The following NCF2 variants were observed in gnomAD, a reference collection of about 807,000 sequenced individuals.
NCF2 encodes neutrophil cytosolic factor 2, also known as neutrophil cytosol factor 2.
Under a neutral mutation model 70.9 loss-of-function variants are expected in NCF2, and 45 were observed. The observed-to-expected ratio is 0.63, with a 90% CI of 0.50 to 0.81. The LOEUF is 0.81. Ranked by LOEUF, NCF2 falls within the 40% of genes least tolerant of loss-of-function variation. NCF2 has a pLI of 0.00. For missense variants in NCF2, 522 were observed against 631.6 expected, an observed-to-expected ratio of 0.83 and a Z score of 1.86; for synonymous variants, 203 against 233.6, an observed-to-expected ratio of 0.87 and a Z score of 1.19.
chr1:183,570,804 A>G lies in NCF2; in HGVS notation c.645T>C (p.Ser215=), dbSNP rs745372047. ...CCTGTGGTTGCAGAGGGGCAAACCC[A>G]GAGAAACTGTCTTGATCCACCACAG... ...VASVVDQDSF[S]GFAPLQPQAA... Residue 215 remains serine (S), a synonymous_variant, in exon 6 of 15, where the codon TCT becomes TCC. Transcript: ENST00000367535. 241 of 1,614,226 alleles carry G rather than the reference A, an allele frequency of 1.5e-4. 4 individuals carry two copies. The South Asian group carries it at 2.6e-3, about 18-fold the overall frequency.
the NCF2 span, among the ~76,000 whole-genome samples, chr1:183,596,599 C>A: frequency 6.6e-6 from 1 of 152,024 alleles, no homozygotes; most frequent in Non-Finnish European, 1.5e-5. Context: ...TGGTGAAACC[C>A]TGTCTCTACT....
At position 183,560,090 on chromosome 1, in the gene NCF2, A is replaced by G. The variant is rs777093765; in HGVS notation, c.1468+6T>C. On this transcript the variant is annotated splice_donor_region_variant and intron_variant, in intron 14 of 14. Transcript: ENST00000367535. Reference sequence around the variant, plus strand: ...TTTGTTTCTATAGTCTTGGAGTAGCACTTACCCTTTGATAACACCAGGATT... The same window carrying G: ...TTTGTTTCTATAGTCTTGGAGTAGCGCTTACCCTTTGATAACACCAGGATT... 1.2e-6 allele frequency: 2 copies of G among 1,613,922 alleles called. No homozygotes were observed. Among genetic ancestry groups the G allele is most frequent in the Admixed American group, 3.3e-5 (2 of 60,016 alleles).
At chr1:183,596,573 AC>A in the NCF2 span, among the ~76,000 whole-genome samples, 1 of 151,944 alleles carries the variant, frequency 6.6e-6, no homozygotes, top group African/African-American at 2.4e-5. Flanking sequence ...GGAGTTGGAG[AC>A]CAGCCTGACC....
chr1:183,572,706 C>G (rs1672622955), intron 5 of NCF2, among the ~76,000 whole-genome samples: 1 of 152,138 alleles, frequency 6.6e-6, no homozygotes, highest in African/African-American at 2.4e-5. Flanking sequence ...GTGGTGCAAT[C>G]ATAGCTCACT....
At position 183,588,474 on chromosome 1, in the gene NCF2, C is replaced by CAA. The variant is rs58562761; in HGVS notation, c.175-1499_175-1498dup. 3.5e-3 allele frequency among the ~76,000 whole-genome samples: 357 copies of CAA among 101,716 alleles called. 2 individuals are homozygous for CAA. The highest frequency in any genetic ancestry group is 0.011 in the African/African-American group (264 of 24,154). The allele number at this position is 101,716 out of a possible 152,430, so 66.7% of individuals were successfully genotyped here. A position where few individuals can be genotyped will look rare whatever the true frequency, so the allele number is the denominator to read the frequency against. On this transcript the variant is annotated intron_variant, in intron 1 of 14. Transcript: ENST00000367535. ...TGGGTGACAGAGTGAGACTCCATCT[C>CAA]AAAAAAAAAAAAAAAGAAAGAAAAA...
intron 3 of NCF2, among the ~76,000 whole-genome samples, chr1:183,575,241 G>A (rs990158500): frequency 1.4e-4 from 21 of 152,326 alleles, no homozygotes; most frequent in African/African-American, 4.6e-4. Flanking sequence ...AGGCCAAGGC[G>A]GGTGAATCAC....
rs543385874 is a variant in NCF2 at position 183,559,118 on chromosome 1, C to G, written c.1468+978G>C. ...TGGTAGAAATGCAAGTTGGTGGGCC[C>G]CACCCCAGACCTGAATCAGAATCTC... On this transcript the variant is annotated intron_variant, in intron 14 of 14. Coordinates refer to ENST00000367535, the MANE Select transcript of NCF2 (RefSeq NM_000433.4). Among the ~76,000 whole-genome samples the G allele has an allele frequency of 2.5e-3, 385 of 152,244 alleles. 3 individuals are homozygous for G. The highest frequency in any genetic ancestry group is 8.3e-3 in the African/African-American group (345 of 41,532).
chr1:183,581,104 A>G (rs1673042198), intron 2 of NCF2, among the ~76,000 whole-genome samples: 1 of 151,866 alleles, frequency 6.6e-6, no homozygotes, highest in African/African-American at 2.4e-5. Flanking sequence ...AATATGGAGA[A>G]ACCCCACCTC....
the NCF2 span, among the ~76,000 whole-genome samples, chr1:183,599,330 A>G: frequency 6.6e-6 from 1 of 152,192 alleles, no homozygotes; most frequent in Admixed American, 6.5e-5. Context: ...GCAGTGAACT[A>G]TGATTGCACC....
chr1:183,569,100 T>A, intron 7 of NCF2, 42 bp downstream of exon 7: 1 of 1,588,118 alleles, frequency 6.3e-7, no homozygotes, highest in Non-Finnish European at 8.6e-7. Flanking sequence ...AGCTCAGGCT[T>A]GGCGCTTGGA....
At position 183,580,526 on chromosome 1, in the gene NCF2, A is replaced by T. The variant is rs562600947; in HGVS notation, c.258-2819T>A. Among the ~76,000 whole-genome samples, 32 of 152,262 alleles carry T rather than the reference A, an allele frequency of 2.1e-4. 1 individual carries two copies. The highest frequency in any genetic ancestry group is 7.2e-4 in the African/African-American group (30 of 41,544). On this transcript the variant is annotated intron_variant, in intron 2 of 14. Coordinates refer to ENST00000367535, the MANE Select transcript of NCF2 (RefSeq NM_000433.4). ...GCTCGCTGAAGGTCTCAGAGGGCACACACTTTAACTGCCGTCAGCATCAAC... is the reference window on the plus strand; with the variant it reads ...GCTCGCTGAAGGTCTCAGAGGGCACTCACTTTAACTGCCGTCAGCATCAAC...
Position 183,584,203 on chromosome 1 carries a change from C to G in NCF2, c.257+2692G>C, listed in dbSNP as rs867492775. 4.6e-5 allele frequency among the ~76,000 whole-genome samples: 7 copies of G among 152,254 alleles called. 1 individual carries two copies. The highest frequency in any genetic ancestry group is 2.6e-4 in the Admixed American group (4 of 15,290). On this transcript the variant is annotated intron_variant, in intron 2 of 14. Coordinates refer to ENST00000367535, the MANE Select transcript of NCF2 (RefSeq NM_000433.4). ...ACATACGGACTTCATATCTATAGCC[C>G]CTGAATTGTACATAAACGAATGTGT...
chr1:183,574,651 T>C (rs1256098432), intron 3 of NCF2, 30 bp from the exon 4 acceptor site: 1 of 1,613,608 alleles, frequency 6.2e-7, no homozygotes, highest in East Asian at 2.2e-5. Context: ...AACATAAAAC[T>C]TGAGACTACT....
intron 2 of NCF2, among the ~76,000 whole-genome samples, chr1:183,580,504 C>T (rs986605310): frequency 1.1e-4 from 17 of 152,120 alleles, no homozygotes; most frequent in African/African-American, 3.6e-4. Flanking sequence ...TTTGGGAGCT[C>T]GCTGAAGGTC....
the NCF2 span, among the ~76,000 whole-genome samples, chr1:183,599,966 ATAT>A: frequency 3.3e-5 from 5 of 152,216 alleles, no homozygotes; most frequent in Admixed American, 3.3e-4. Flanking sequence ...ACTTGGCTAA[ATAT>A]TATGTTCACT....
chr1:183,592,188 A>G (rs558480614), upstream of NCF2, among the ~76,000 whole-genome samples: 15 of 152,332 alleles, frequency 9.8e-5, no homozygotes, highest in Middle Eastern at 3.4e-3. Flanking sequence ...AAAGCCTGAA[A>G]ATAAAACTTA....
intron 14 of NCF2, among the ~76,000 whole-genome samples, chr1:183,558,011 A>G (rs1055722987): frequency 2.0e-5 from 3 of 151,994 alleles, no homozygotes; most frequent in Admixed American, 6.6e-5. Context: ...AGGAGCTGGA[A>G]CTACAAGTGC....
intron 6 of NCF2, among the ~76,000 whole-genome samples, chr1:183,569,677 C>G (rs900273599): frequency 6.6e-6 from 1 of 152,222 alleles, no homozygotes; most frequent in African/African-American, 2.4e-5. Flanking sequence ...CAACCTCTGC[C>G]TCCCTCATTG....
rs969698184 is a variant in NCF2, at chr1:183,590,276, G to C, written c.54C>G (p.Asp18Glu). ...CCAGGGCTCCCTTCCAGTCCTTCTT[G>C]TCCGCTGCCAGCACCCCTTCATTCC... is the stretch of plus-strand genomic sequence containing the variant. ...SLWNEGVLAADKKDWKGALDA... is the reference protein window; with the variant it reads ...SLWNEGVLAAEKKDWKGALDA... Residue 18 changes from aspartate to glutamate, a missense_variant, in exon 1 of 15, where the codon GAC becomes GAG. Transcript: ENST00000367535. The C allele has an allele frequency of 6.2e-7, 1 of 1,613,948 alleles. No homozygotes were observed. Among genetic ancestry groups the C allele is most frequent in the African/African-American group, 1.3e-5 (1 of 74,870 alleles).
Sources: allele counts gnomAD v4.1 joint callset (sites outside exome capture counted in the v4.1 genomes callset), GRCh38; gene constraint gnomAD v4.1.1; transcripts MANE v1.5; gene names NCBI Gene and HGNC (gene_info 2026-07-23, HGNC 2026-07-21).